CYP2C19: variants seen among roughly 807,000 people sequenced by gnomAD.
CYP2C19 encodes the protein cytochrome P450 family 2 subfamily C member 19.
CYP2C19 carries 59 observed loss-of-function variants against 40.9 expected under a neutral mutation model. The ratio of observed to expected loss-of-function variants is 1.44; its 90% CI spans 1.17 to 1.79. The LOEUF (loss-of-function observed/expected upper bound fraction) is 1.79, where lower values mean the gene tolerates loss of function less well. Among genes scored for constraint, CYP2C19 ranks in the 40% most tolerant of loss-of-function variants. The probability of loss-of-function intolerance (pLI) is 0.00; values close to 1 mark genes in which losing one functional copy is unlikely to be tolerated. For synonymous variants in CYP2C19, 253 were observed against 208.7 expected (o/e 1.21, Z -1.83); for missense variants, 754 against 596.9 (o/e 1.26, Z -2.74).
At chr10:94,808,644 G>A (rs1228879594) in intron 5 of CYP2C19, among the ~76,000 whole-genome samples, 1 of 152,062 alleles carries the variant, frequency 6.6e-6, no homozygotes, top group Non-Finnish European at 1.5e-5. Flanking sequence ...GGGCTCAATT[G>A]TTTTGAGTTT....
intron 5 of CYP2C19, among the ~76,000 whole-genome samples, chr10:94,815,875 T>G (rs1400584501): frequency 6.6e-6 from 1 of 152,226 alleles, no homozygotes; most frequent in Admixed American, 6.5e-5. Context: ...ATTGAGTCCA[T>G]GTACCTTTCT....
chr10:94,843,570 G>C (rs1182104435), intron 7 of CYP2C19, among the ~76,000 whole-genome samples: 1 of 151,990 alleles, frequency 6.6e-6, no homozygotes, highest in African/African-American at 2.4e-5. Flanking sequence ...CTTTGTACTT[G>C]GTATGTTGAA....
At chr10:94,774,837 A>C in intron 1 of CYP2C19, 1 of 563,192 alleles carries the variant, frequency 1.8e-6, no homozygotes, top group Non-Finnish European at 3.1e-6. Context: ...GTTAATTGTA[A>C]TCTGTGTAGC....
rs1472237757 is a variant in CYP2C19 at position 94,843,028 on chromosome 10, A to T, written c.1149+4A>T. On this transcript the variant is annotated splice_donor_region_variant and intron_variant, in intron 7 of 8. Transcript: ENST00000371321. Reference sequence around the variant, plus strand: ...CAGAAACTACCTCATTCCCAAGGTAAGTTTGTTTCTCCTACACTGCAACTC... The same window carrying T: ...CAGAAACTACCTCATTCCCAAGGTATGTTTGTTTCTCCTACACTGCAACTC... 5.6e-6 allele frequency: 9 copies of T among 1,614,010 alleles called. No homozygotes were observed. Among genetic ancestry groups the T allele is most frequent in the Non-Finnish European group, 7.6e-6 (9 of 1,179,970 alleles).
intron 1 of CYP2C19, among the ~76,000 whole-genome samples, chr10:94,772,118 T>G (rs1589817948): frequency 6.6e-6 from 1 of 152,308 alleles, no homozygotes; most frequent in East Asian, 1.9e-4. Context: ...GGCCATACCC[T>G]GAGGGAGGGA....
At chr10:94,805,838 G>A (rs189554190) in intron 5 of CYP2C19, among the ~76,000 whole-genome samples, 3 of 152,290 alleles carry the variant, frequency 2.0e-5, no homozygotes, top group Admixed American at 2.0e-4. Flanking sequence ...GCCTTATAAA[G>A]TTGGCCTATC....
At chr10:94,787,908 A>G (rs1023056122) in intron 5 of CYP2C19, among the ~76,000 whole-genome samples, 1 of 152,152 alleles carries the variant, frequency 6.6e-6, no homozygotes, top group African/African-American at 2.4e-5. Context: ...GTGAAAAATG[A>G]CATTGGTAGT....
At position 94,842,913 on chromosome 10, in the gene CYP2C19, C is replaced by T. The variant is rs774327607; in HGVS notation, c.1038C>T (p.Pro346=). 64 of 1,614,076 alleles carry T rather than the reference C, an allele frequency of 4.0e-5. No individual in the cohort carries two copies. The Admixed American group carries it at 8.3e-4, about 21-fold the overall frequency. Residue 346 remains proline, a synonymous_variant, in exon 7 of 9, where the codon CCC becomes CCT. Transcript: ENST00000371321. ...GCATGCAGGACAGGGGCCACATGCC[C>T]TACACAGATGCTGTGGTGCACGAGG... ...SPCMQDRGHM[P]YTDAVVHEVQ...
chr10:94,797,208 T>C (rs987689717), intron 5 of CYP2C19, among the ~76,000 whole-genome samples: 1 of 152,072 alleles, frequency 6.6e-6, no homozygotes, highest in Non-Finnish European at 1.5e-5. Context: ...TGACGGGTTA[T>C]TGAATTTTGT....
intron 8 of CYP2C19, among the ~76,000 whole-genome samples, chr10:94,851,538 T>A (rs753270426): frequency 1.3e-5 from 2 of 152,078 alleles, no homozygotes; most frequent in Non-Finnish European, 2.9e-5. Context: ...TGTCTGTTTC[T>A]TCTGCCATAT....
chr10:94,798,783 G>C (rs1848723479), intron 5 of CYP2C19, among the ~76,000 whole-genome samples: 1 of 115,404 alleles, frequency 8.7e-6, no homozygotes, highest in Admixed American at 8.9e-5. Context: ...TTTAAAGTCT[G>C]TTTTATCAAA....
At chr10:94,834,808 G>A (rs552711092) in intron 6 of CYP2C19, among the ~76,000 whole-genome samples, 6 of 152,274 alleles carry the variant, frequency 3.9e-5, no homozygotes, top group South Asian at 4.1e-4. Context: ...TGCAAGCCCC[G>A]TGTTTAAAGG....
chr10:94,763,373 C>T (rs17879466), intron 1 of CYP2C19, among the ~76,000 whole-genome samples: 1,971 of 152,134 alleles, frequency 0.013, 26 homozygotes, highest in Non-Finnish European at 0.021. Context: ...TTATAGACTT[C>T]AATTATTAGA....
At chr10:94,793,659 A>T (rs1224315404) in intron 5 of CYP2C19, among the ~76,000 whole-genome samples, 2 of 152,196 alleles carry the variant, frequency 1.3e-5, no homozygotes, top group South Asian at 2.1e-4. Context: ...TCACCAGTGG[A>T]GGCTGCAGAA....
At chr10:94,832,916 T>G (rs1849354521) in intron 6 of CYP2C19, among the ~76,000 whole-genome samples, 1 of 152,212 alleles carries the variant, frequency 6.6e-6, no homozygotes, top group Non-Finnish European at 1.5e-5. Context: ...TTCCATTTGT[T>G]GTGATCTCTT....
intron 5 of CYP2C19, among the ~76,000 whole-genome samples, chr10:94,814,175 C>G (rs1455971328): frequency 1.3e-5 from 2 of 151,292 alleles, no homozygotes; most frequent in Admixed American, 1.3e-4. Context: ...GCAGAAATCA[C>G]CTACCTTCTT....
chr10:94,779,542 T>A (rs1169281804), intron 3 of CYP2C19, among the ~76,000 whole-genome samples: 2 of 123,856 alleles, frequency 1.6e-5, no homozygotes. Flanking sequence ...ATTAATTTAC[T>A]TTTTTTCCTT....
intron 5 of CYP2C19, among the ~76,000 whole-genome samples, chr10:94,813,577 ACT>A (rs1183808624): frequency 6.6e-6 from 1 of 151,902 alleles, no homozygotes. Context: ...CTTTGTTTAC[ACT>A]GTGAGGGGAA....
chr10:94,785,855 G>C (rs1848532976), intron 5 of CYP2C19, among the ~76,000 whole-genome samples: 2 of 152,060 alleles, frequency 1.3e-5, no homozygotes, highest in Non-Finnish European at 2.9e-5. Context: ...CACATGTACA[G>C]TAAGGAGCAG....
Sources: allele counts gnomAD v4.1 joint callset (sites outside exome capture counted in the v4.1 genomes callset), GRCh38; gene constraint gnomAD v4.1.1; transcripts MANE v1.5; gene names NCBI Gene and HGNC (gene_info 2026-07-23, HGNC 2026-07-21).